Variants in STOX2 observed in about 807,000 individuals in gnomAD.
STOX2 encodes storkhead box 2, also known as storkhead-box protein 2.
In STOX2, 28 loss-of-function variants were observed where a neutral mutation model predicts 60.9. The ratio of observed to expected loss-of-function variants is 0.46; its 90% CI spans 0.34 to 0.63. The LOEUF (loss-of-function observed/expected upper bound fraction) is 0.63, where lower values mean the gene tolerates loss of function less well. Among genes scored for constraint, STOX2 ranks in the 30% least tolerant of loss-of-function variants. STOX2 has a pLI of 0.01. For missense variants in STOX2, 1,024 were observed against 1,187.7 expected (o/e 0.86, Z 2.03); for synonymous variants, 472 against 463.9 (o/e 1.02, Z -0.22).
At chr4:183,811,957 A>G (rs1011093742) in intron 1 of STOX2, among the ~76,000 whole-genome samples, 6 of 122,410 alleles carry the variant, frequency 4.9e-5, no homozygotes, top group African/African-American at 2.2e-4. Flanking sequence ...TTTTTGAGAC[A>G]GGGTCTCACT....
chr4:183,990,578 ATTTTTTTTTTTTTTT>A (rs57369052), intron 1 of STOX2, among the ~76,000 whole-genome samples: 13 of 82,484 alleles, frequency 1.6e-4, no homozygotes, highest in South Asian at 1.3e-3. Flanking sequence ...AAAAAGCAGG[ATTTTTTTTTTTTTTT>A]TTTTTTTTTT....
At chr4:183,853,734 G>A (rs756399723) in intron 1 of STOX2, 9 of 152,188 alleles carry the variant, frequency 5.9e-5, no homozygotes, top group Non-Finnish European at 1.2e-4. Context: ...AGGAAATCGA[G>A]AGAATAAAAG....
chr4:183,878,712 T>C, intron 1 of STOX2, among the ~76,000 whole-genome samples: 1 of 152,238 alleles, frequency 6.6e-6, no homozygotes, highest in East Asian at 1.9e-4. Flanking sequence ...TCTCAAAAGT[T>C]GTCAAAGATT....
At chr4:183,955,981 C>T (rs1307932949) in intron 1 of STOX2, among the ~76,000 whole-genome samples, 1 of 151,962 alleles carries the variant, frequency 6.6e-6, no homozygotes. Context: ...TATGATTTTT[C>T]ACATAACCCT....
intron 1 of STOX2, among the ~76,000 whole-genome samples, chr4:183,877,236 T>C (rs559845755): frequency 6.6e-6 from 1 of 152,364 alleles, no homozygotes; most frequent in Non-Finnish European, 1.5e-5. Context: ...ACTAAAGTCC[T>C]GCTACTCAAA....
At chr4:183,838,761 A>G (rs1000210926) in intron 1 of STOX2, among the ~76,000 whole-genome samples, 2 of 152,142 alleles carry the variant, frequency 1.3e-5, no homozygotes, top group Non-Finnish European at 2.9e-5. Context: ...GTGGAGACTG[A>G]CTGTTGAGGA....
rs981207925 is a variant in STOX2 at position 183,871,578 on chromosome 4, A to C, written c.364+73523A>C. Among the ~76,000 whole-genome samples, 212 of 152,328 alleles carry C rather than the reference A, an allele frequency of 1.4e-3. 1 individual carries two copies. Among genetic ancestry groups the C allele is most frequent in the African/African-American group, 5.0e-3 (208 of 41,564 alleles). On this transcript the variant is annotated intron_variant, in intron 1 of 2. Transcript: ENST00000513034. The stretch of plus-strand genomic sequence containing the variant: ...TAGGAGCCCTCAGCAGCACATAATA[A>C]TGGCAATTAATGACAATCAGCGGCC...
chr4:183,970,073 A>G (rs866455063), intron 1 of STOX2, among the ~76,000 whole-genome samples: 1 of 151,674 alleles, frequency 6.6e-6, no homozygotes, highest in Non-Finnish European at 1.5e-5. Context: ...CTCTTGGCCC[A>G]TGCATGAAAA....
chr4:183,846,707 A>G (rs1424641751), intron 1 of STOX2, among the ~76,000 whole-genome samples: 3 of 152,064 alleles, frequency 2.0e-5, no homozygotes, highest in Admixed American at 6.5e-5. Flanking sequence ...GCATTTCAAC[A>G]TATTTAAAAT....
intron 1 of STOX2, among the ~76,000 whole-genome samples, chr4:183,873,222 C>A (rs1023629103): frequency 1.3e-5 from 2 of 151,876 alleles, no homozygotes; most frequent in Non-Finnish European, 2.9e-5. Context: ...CCGAGGTGGG[C>A]GGATCACCTG....
intron 1 of STOX2, among the ~76,000 whole-genome samples, chr4:183,834,318 C>T (rs1303913083): frequency 6.6e-6 from 1 of 152,118 alleles, no homozygotes; most frequent in Non-Finnish European, 1.5e-5. Context: ...AGTTTTGCAC[C>T]GTGCAGCCTG....
At chr4:183,842,223 T>C (rs1003074135) in intron 1 of STOX2, among the ~76,000 whole-genome samples, 1 of 152,258 alleles carries the variant, frequency 6.6e-6, no homozygotes, top group Non-Finnish European at 1.5e-5. Context: ...GTCTTAGATC[T>C]GCTTTTTTAG....
At chr4:183,873,464 A>AAAG (rs34451109) in intron 1 of STOX2, among the ~76,000 whole-genome samples, 1 of 148,694 alleles carries the variant, frequency 6.7e-6, no homozygotes, top group Non-Finnish European at 1.5e-5. Context: ...AAAAAAAAAA[A>AAAG]GGGAGGATTG....
intron 1 of STOX2, among the ~76,000 whole-genome samples, chr4:183,898,416 A>G (rs1741389053): frequency 6.6e-6 from 1 of 152,164 alleles, no homozygotes; most frequent in Admixed American, 6.5e-5. Flanking sequence ...AAGATGATAC[A>G]TTTTGTGGAA....
intron 1 of STOX2, among the ~76,000 whole-genome samples, chr4:183,917,977 A>G (rs926451723): frequency 1.3e-5 from 2 of 152,264 alleles, no homozygotes; most frequent in Admixed American, 1.3e-4. Flanking sequence ...AATGCAATCA[A>G]AATAATTAGC....
intron 1 of STOX2, among the ~76,000 whole-genome samples, chr4:183,926,271 T>C (rs1445609501): frequency 6.6e-6 from 1 of 152,040 alleles, no homozygotes; most frequent in African/African-American, 2.4e-5. Flanking sequence ...ACATAAAAAA[T>C]ATAAAGCATT....
intron 1 of STOX2, among the ~76,000 whole-genome samples, chr4:183,996,037 G>A (rs914018362): frequency 1.1e-4 from 17 of 152,178 alleles, no homozygotes; most frequent in African/African-American, 4.1e-4. Flanking sequence ...CATTTTAAAT[G>A]TTAAATACTC....
chr4:183,892,374 G>C (rs1741239554), intron 1 of STOX2, among the ~76,000 whole-genome samples: 1 of 152,184 alleles, frequency 6.6e-6, no homozygotes, highest in Non-Finnish European at 1.5e-5. Flanking sequence ...CGCCTCCCGG[G>C]TTCACGCCAT....
At chr4:183,951,763 C>A (rs1743102614) in intron 1 of STOX2, among the ~76,000 whole-genome samples, 2 of 151,932 alleles carry the variant, frequency 1.3e-5, no homozygotes, top group African/African-American at 4.8e-5. Flanking sequence ...CATGGTGAAA[C>A]CCCCGTCTCT....
Sources: gnomAD v4.1 joint callset for allele counts (sites outside exome capture counted in the v4.1 genomes callset) on GRCh38, gnomAD v4.1.1 for gene constraint, MANE v1.5 for transcripts, NCBI Gene and HGNC (gene_info 2026-07-23, HGNC 2026-07-21) for gene names.